Variants in NLGN1 observed in about 807,000 individuals in gnomAD.
The protein encoded by NLGN1 is neuroligin 1.
In NLGN1, 12 loss-of-function variants were observed where a neutral mutation model predicts 65.5. The ratio of observed to expected loss-of-function variants is 0.18; its 90% confidence interval spans 0.12 to 0.30. NLGN1 has a LOEUF of 0.30. NLGN1 is among the 10% of genes least tolerant of loss of function. The pLI, the probability that NLGN1 is intolerant of heterozygous loss-of-function variation, is 1.00. For synonymous variants in NLGN1, 350 were observed against 359.5 expected, an observed-to-expected ratio of 0.97 and a Z score of 0.30; for missense variants, 750 against 1,007.1, an observed-to-expected ratio of 0.74 and a Z score of 3.46.
chr3:173,498,640 C>G (rs1485794416), intron 2 of NLGN1, among the ~76,000 whole-genome samples: 5 of 151,860 alleles, frequency 3.3e-5, no homozygotes, highest in Admixed American at 3.3e-4. Context: ...CTGACTTCCA[C>G]AATGCTTGAA....
chr3:173,804,403 T>C (rs1249354712), intron 3 of NLGN1, among the ~76,000 whole-genome samples: 1 of 152,108 alleles, frequency 6.6e-6, no homozygotes, highest in Admixed American at 6.5e-5. Flanking sequence ...ACTATATTTA[T>C]AGGTGGTTAA....
chr3:173,799,960 C>A (rs1413623539), intron 3 of NLGN1, among the ~76,000 whole-genome samples: 3 of 148,356 alleles, frequency 2.0e-5, no homozygotes, highest in African/African-American at 7.4e-5. Flanking sequence ...AAATTAAGTT[C>A]TTTCAGCTAA....
intron 2 of NLGN1, among the ~76,000 whole-genome samples, chr3:173,471,686 T>A (rs1725339612): frequency 6.6e-6 from 1 of 152,112 alleles, no homozygotes; most frequent in African/African-American, 2.4e-5. Flanking sequence ...TTTTAGAGAA[T>A]GCCTTTAACA....
chr3:173,441,436 A>C (rs1719182642), intron 2 of NLGN1, among the ~76,000 whole-genome samples: 1 of 152,152 alleles, frequency 6.6e-6, no homozygotes, highest in Admixed American at 6.6e-5. Flanking sequence ...TTTTGATTGA[A>C]GGTGAGATAT....
rs78959757 is a variant in NLGN1 at position 173,612,313 on chromosome 3, A to G, written c.493+7222A>G. On this transcript the variant is annotated intron_variant, in intron 3 of 6. Transcript: ENST00000457714. ...GAGTACTTTATGTAACACTTCTTGTATAAGTTGCCTAGGCTGCTGTAACAA... is the reference window on the plus strand; with the variant it reads ...GAGTACTTTATGTAACACTTCTTGTGTAAGTTGCCTAGGCTGCTGTAACAA... 7.4e-4 allele frequency among the ~76,000 whole-genome samples: 113 copies of G among 152,256 alleles called. No homozygotes were observed. In the East Asian group the frequency reaches 0.017, roughly 23 times the overall value.
chr3:173,471,405 G>A (rs1431818098), intron 2 of NLGN1, among the ~76,000 whole-genome samples: 2 of 151,964 alleles, frequency 1.3e-5, no homozygotes, highest in African/African-American at 4.8e-5. Context: ...GCAACCTTTG[G>A]CATTCCTTGG....
chr3:173,914,992 G>A (rs970713271), intron 4 of NLGN1: 3 of 152,144 alleles, frequency 2.0e-5, no homozygotes, highest in African/African-American at 2.4e-5. Flanking sequence ...AACAATTGCT[G>A]CAATTACAAA....
intron 3 of NLGN1, among the ~76,000 whole-genome samples, chr3:173,740,074 AT>A (rs1306593773): frequency 7.2e-5 from 11 of 152,150 alleles, no homozygotes; most frequent in Non-Finnish European, 1.3e-4. Context: ...CTTAGTTTAA[AT>A]TTTGGTTGTG....
intron 1 of NLGN1, among the ~76,000 whole-genome samples, chr3:173,407,471 T>C (rs1289011298): frequency 1.3e-5 from 2 of 152,218 alleles, no homozygotes; most frequent in Admixed American, 6.5e-5. Context: ...AGAGCAGTAA[T>C]ACATACATCG....
intron 4 of NLGN1, among the ~76,000 whole-genome samples, chr3:174,211,246 T>G (rs879016609): frequency 1.3e-5 from 2 of 152,214 alleles, no homozygotes; most frequent in Non-Finnish European, 2.9e-5. Flanking sequence ...ATGCTGGCTC[T>G]GGCAGCCTGC....
chr3:173,768,945 G>T (rs12107779), intron 3 of NLGN1, among the ~76,000 whole-genome samples: 92,600 of 151,674 alleles, frequency 0.61, 29,285 homozygotes, highest in Non-Finnish European at 0.7. Flanking sequence ...CCCAGCAATT[G>T]TTTTTATAGA....
chr3:173,893,752 C>T (rs1425094293), intron 4 of NLGN1, among the ~76,000 whole-genome samples: 1 of 152,096 alleles, frequency 6.6e-6, no homozygotes, highest in Admixed American at 6.6e-5. Context: ...TCCCTTTGTC[C>T]TTCGTGTTGC....
intron 3 of NLGN1, among the ~76,000 whole-genome samples, chr3:173,606,604 C>G (rs939222999): frequency 4.6e-5 from 7 of 151,970 alleles, no homozygotes; most frequent in African/African-American, 1.7e-4. Context: ...AATGTCTAAA[C>G]TGTTCTGTTC....
chr3:173,573,890 C>T (rs1282288043), intron 2 of NLGN1, among the ~76,000 whole-genome samples: 2 of 151,232 alleles, frequency 1.3e-5, no homozygotes, highest in Non-Finnish European at 2.9e-5. Context: ...GCTGAAACCC[C>T]GTCTCTACTA....
At chr3:173,922,691 C>T (rs1283845260) in intron 4 of NLGN1, among the ~76,000 whole-genome samples, 1 of 151,952 alleles carries the variant, frequency 6.6e-6, no homozygotes, top group Non-Finnish European at 1.5e-5. Context: ...TAAAAAGAAG[C>T]TTAAGCTCTT....
chr3:173,483,513 T>C (rs1237400745), intron 2 of NLGN1, among the ~76,000 whole-genome samples: 1 of 152,134 alleles, frequency 6.6e-6, no homozygotes, highest in Non-Finnish European at 1.5e-5. Context: ...CATTCAAACA[T>C]ACCAGATGTT....
intron 2 of NLGN1, among the ~76,000 whole-genome samples, chr3:173,512,597 A>C (rs1733160738): frequency 6.6e-6 from 1 of 152,134 alleles, no homozygotes; most frequent in South Asian, 2.1e-4. Flanking sequence ...TTCAAAAAGG[A>C]AACATTCGAT....
chr3:173,826,183 A>G (rs1047752137), intron 4 of NLGN1, among the ~76,000 whole-genome samples: 13 of 152,058 alleles, frequency 8.5e-5, no homozygotes, highest in African/African-American at 3.1e-4. Context: ...CTTCTGGCAC[A>G]CTCAGTTTCC....
At chr3:173,646,269 GA>G (rs1175714289) in intron 3 of NLGN1, among the ~76,000 whole-genome samples, 1 of 152,118 alleles carries the variant, frequency 6.6e-6, no homozygotes, top group African/African-American at 2.4e-5. Flanking sequence ...GTGAAATTAA[GA>G]CCTTTTGGAG....
Sources: gnomAD v4.1 joint callset for allele counts (sites outside exome capture counted in the v4.1 genomes callset) on GRCh38, gnomAD v4.1.1 for gene constraint, MANE v1.5 for transcripts, NCBI Gene and HGNC (gene_info 2026-07-23, HGNC 2026-07-21) for gene names.